Variants in NHERF2 observed in about 807,000 individuals in gnomAD.
NHERF2 encodes Na(+)/H(+) exchange regulatory cofactor NHE-RF2.
the NHERF2 span, chr16:2,038,164 G>A: frequency 1.2e-5 from 8 of 688,566 alleles, no homozygotes; most frequent in South Asian, 9.4e-5. Flanking sequence ...GGGGGCCTGT[G>A]GCAGCAAGAT....
At chr16:2,038,222 AG>A in the NHERF2 span, 1 of 202,852 alleles carries the variant, frequency 4.9e-6, no homozygotes, top group Admixed American at 5.9e-5. Context: ...AGACAGAGAC[AG>A]AGAGAGAGAG....
the NHERF2 span, among the ~76,000 whole-genome samples, chr16:2,031,770 C>G: frequency 6.6e-6 from 1 of 152,194 alleles, no homozygotes; most frequent in Non-Finnish European, 1.5e-5. Context: ...TGGCTCACTA[C>G]AACCTCCGCT....
chr16:2,031,579 G>A, the NHERF2 span, among the ~76,000 whole-genome samples: 1 of 152,066 alleles, frequency 6.6e-6, no homozygotes, highest in Admixed American at 6.5e-5. Context: ...GGAAGCCCTA[G>A]GAGGGGCTTC....
the NHERF2 span, among the ~76,000 whole-genome samples, chr16:2,031,194 G>A: frequency 6.6e-6 from 1 of 152,212 alleles, no homozygotes; most frequent in Non-Finnish European, 1.5e-5. Context: ...CAGCCTGGGC[G>A]CAGGCCTGCC....
chr16:2,038,178 G>A, the NHERF2 span: 1 of 630,216 alleles, frequency 1.6e-6, no homozygotes, highest in Non-Finnish European at 2.8e-6. Context: ...GCAAGATAGG[G>A]GGAGAGAGAC....
chr16:2,029,729 C>T, the NHERF2 span: 1 of 1,556,046 alleles, frequency 6.4e-7, no homozygotes, highest in Non-Finnish European at 8.7e-7. Context: ...CCCCTGGGAG[C>T]CGAAGCCAGA....
chr16:2,036,408 A>G, the NHERF2 span: 1 of 1,609,700 alleles, frequency 6.2e-7, no homozygotes, highest in Non-Finnish European at 8.5e-7. Context: ...CAACCTGCAT[A>G]GTGACAAGTC....
the NHERF2 span, among the ~76,000 whole-genome samples, chr16:2,033,895 GCTGTGC>G: frequency 1.3e-5 from 2 of 152,232 alleles, no homozygotes; most frequent in Non-Finnish European, 2.9e-5. Flanking sequence ...AGGTTTTAGT[GCTGTGC>G]CTGGCGCCAC....
chr16:2,032,494 G>T, the NHERF2 span, among the ~76,000 whole-genome samples: 2 of 152,242 alleles, frequency 1.3e-5, no homozygotes, highest in East Asian at 3.8e-4. The surrounding 1 kb of genome is among the most constrained non-coding windows in gnomAD (Gnocchi z 4.0). Flanking sequence ...TGGCTCCAGT[G>T]GGGGCACTGG....
chr16:2,035,325 G>A, the NHERF2 span: 1 of 862,698 alleles, frequency 1.2e-6, no homozygotes, highest in Non-Finnish European at 1.4e-6. Context: ...GGAGGGGTTG[G>A]GGGTGTCTGA....
chr16:2,037,061 G>T, the NHERF2 span: 2 of 1,527,200 alleles, frequency 1.3e-6, no homozygotes, highest in East Asian at 2.5e-5. Flanking sequence ...CCCGACAGAG[G>T]CCCCCTTCTC....
the NHERF2 span, chr16:2,029,747 C>CA: frequency 6.4e-7 from 1 of 1,554,354 alleles, no homozygotes; most frequent in Non-Finnish European, 8.7e-7. Flanking sequence ...AGACTGGGCA[C>CA]ACACCGGCAG....
the NHERF2 span, among the ~76,000 whole-genome samples, chr16:2,034,108 C>G: frequency 1.3e-5 from 2 of 152,202 alleles, no homozygotes; most frequent in Admixed American, 1.3e-4. Flanking sequence ...CCTGAGAAAC[C>G]CTGCCCCGCA....
At chr16:2,036,655 T>C in the NHERF2 span, 1 of 1,578,586 alleles carries the variant, frequency 6.3e-7, no homozygotes, top group South Asian at 1.1e-5. Context: ...GAATATTTGA[T>C]GCCACACCTG....
the NHERF2 span, chr16:2,037,808 C>G: frequency 6.4e-7 from 1 of 1,570,598 alleles, no homozygotes; most frequent in Middle Eastern, 1.7e-4. Flanking sequence ...GACACCCCAC[C>G]CACCGTGCTC....
chr16:2,032,771 A>G, the NHERF2 span: 1 of 987,362 alleles, frequency 1.0e-6, no homozygotes, highest in Non-Finnish European at 1.2e-6. This position sits in a 1 kb window ranked among gnomAD's most constrained non-coding sequence, Gnocchi z 4.0. Flanking sequence ...TGATCCTAGT[A>G]GTGACGACAG....
chr16:2,036,343 G>C, the NHERF2 span: 1 of 1,610,064 alleles, frequency 6.2e-7, no homozygotes, highest in South Asian at 1.1e-5. Context: ...GGGCCCCTGA[G>C]GGAGCTGCGC....
At chr16:2,038,203 GAGAGTCAGAGAC>G in the NHERF2 span, 1 of 603,516 alleles carries the variant, frequency 1.7e-6, no homozygotes, top group Admixed American at 2.9e-5. Context: ...AGATGTGAGA[GAGAGTCAGAGAC>G]AGAGACAGAG....
At chr16:2,034,773 GCTGTGCTCCAC>G in the NHERF2 span, among the ~76,000 whole-genome samples, 1 of 144,702 alleles carries the variant, frequency 6.9e-6, no homozygotes, top group African/African-American at 2.6e-5. Flanking sequence ...CAGCCTGGGG[GCTGTGCTCCAC>G]TTCCCCTCCC....
Sources: allele counts gnomAD v4.1 joint callset (sites outside exome capture counted in the v4.1 genomes callset), GRCh38; gene constraint gnomAD v4.1.1; non-coding constraint Gnocchi (gnomAD v3.1); transcripts MANE v1.5; gene names NCBI Gene and HGNC (gene_info 2026-07-23, HGNC 2026-07-21).